SCNN1B: variants seen among roughly 807,000 people sequenced by gnomAD.
SCNN1B encodes epithelial sodium channel subunit beta.
Under a neutral mutation model 65.3 loss-of-function variants are expected in SCNN1B, and 46 were observed. The observed-to-expected ratio is 0.70, with a 90% CI of 0.56 to 0.90. The LOEUF (loss-of-function observed/expected upper bound fraction) is 0.90, where lower values mean the gene tolerates loss of function less well. Ranked by LOEUF, SCNN1B falls within the 40% of genes least tolerant of loss-of-function variation. SCNN1B has a pLI of 0.00. For synonymous variants in SCNN1B, 349 were observed against 330.6 expected (o/e 1.06, Z -0.60); for missense variants, 751 against 830.5 (o/e 0.90, Z 1.18).
In SCNN1B at chr16:23,380,885, C is replaced by T; in HGVS notation, c.*84C>T. On this transcript the variant is annotated 3_prime_UTR_variant, in exon 13 of 13. Transcript: ENST00000343070. This position sits in a 1 kb window ranked among gnomAD's most constrained non-coding sequence, Gnocchi z 5.4. ...GAGGCCTCACTGTATGGTGCCCTCTCCAAAGGGTCGGGAGGGTAGCTCTCC... is the reference window on the plus strand; with the variant it reads ...GAGGCCTCACTGTATGGTGCCCTCTTCAAAGGGTCGGGAGGGTAGCTCTCC... 3 of 1,485,806 alleles carry T rather than the reference C, an allele frequency of 2.0e-6. No individual in the cohort carries two copies. The highest frequency in any genetic ancestry group is 2.8e-6 in the Non-Finnish European group (3 of 1,068,026). The allele number at this position is 1,485,806 out of a possible 1,614,324, so 92.0% of individuals were successfully genotyped here. A position where few individuals can be genotyped will look rare whatever the true frequency, so the allele number is the denominator to read the frequency against.
At chr16:23,368,349 G>T (rs2142036427) in intron 5 of SCNN1B, among the ~76,000 whole-genome samples, 1 of 152,146 alleles carries the variant, frequency 6.6e-6, no homozygotes, top group Non-Finnish European at 1.5e-5. Flanking sequence ...GACCAGCCTG[G>T]GCAACAAGGT....
chr16:23,365,430 G>T lies in SCNN1B; in HGVS notation c.777-2426G>T, dbSNP rs574816809. On this transcript the variant is annotated intron_variant, in intron 4 of 12. Coordinates refer to ENST00000343070, the MANE Select transcript of SCNN1B (RefSeq NM_000336.3). ...AAGAGAGAAAGAAAGAGAAAGAAAGGAAGGAAGAAAGAAAGAAAGAGAAGG... is the reference window on the plus strand; with the variant it reads ...AAGAGAGAAAGAAAGAGAAAGAAAGTAAGGAAGAAAGAAAGAAAGAGAAGG... Among the ~76,000 whole-genome samples the T allele has an allele frequency of 1.1e-4, 15 of 140,380 alleles. No homozygotes were observed. The South Asian group carries it at 3.5e-3, about 32-fold the overall frequency. 92.1% of individuals were successfully genotyped at this position (140,380 alleles called of 152,430 possible).
Position 23,310,290 on chromosome 16 carries a change from CAA to C in SCNN1B, c.-9+7875_-9+7876del, listed in dbSNP as rs202228096. ...TAAAAGTTAGTATGTTCTGCATGAC[CAA>C]AAAAAAAAAAAAAAAAAAAAACCCA... On this transcript the variant is annotated intron_variant, in intron 1 of 12. Coordinates refer to ENST00000343070, the MANE Select transcript of SCNN1B (RefSeq NM_000336.3). Among the ~76,000 whole-genome samples, 307 of 92,984 alleles carry C rather than the reference CAA, an allele frequency of 3.3e-3. 1 individual carries two copies. The highest frequency in any genetic ancestry group is 0.011 in the African/African-American group (269 of 24,868). The allele number at this position is 92,984 out of a possible 152,430, so 61.0% of individuals were successfully genotyped here.
In SCNN1B at chr16:23,375,798, C is replaced by A. The variant is rs774687020; in HGVS notation, c.1213C>A (p.Leu405Met). 6 of 1,614,190 alleles carry A rather than the reference C, an allele frequency of 3.7e-6. No homozygotes were observed. The highest frequency in any genetic ancestry group is 5.1e-6 in the Non-Finnish European group (6 of 1,180,006). Residue 405 changes from leucine to methionine, a missense_variant, in exon 8 of 13, where the codon CTG becomes ATG. By Grantham distance (15) the Leu-to-Met change is conservative. Coordinates refer to ENST00000343070, the MANE Select transcript of SCNN1B (RefSeq NM_000336.3). ...CCGTAACTGCAACTGTGGCCACTAC[C>A]TGTACCCACTGCCCCGTGGGGAGAA... ...MIRNCNCGHY[L>M]YPLPRGEKYC...
intron 7 of SCNN1B, among the ~76,000 whole-genome samples, chr16:23,373,049 G>C (rs1366639740): frequency 6.6e-6 from 1 of 152,120 alleles, no homozygotes; most frequent in Non-Finnish European, 1.5e-5. Flanking sequence ...GGAGGTTGCA[G>C]TGAGCTGATA....
At chr16:23,353,674 A>T (rs950884069) in intron 3 of SCNN1B, among the ~76,000 whole-genome samples, 3 of 152,224 alleles carry the variant, frequency 2.0e-5, no homozygotes, top group African/African-American at 7.2e-5. Flanking sequence ...ACATGGACTG[A>T]GCAAGGGGGA....
Position 23,381,073 on chromosome 16 carries a change from A to C in SCNN1B, c.*272A>C. On this transcript the variant is annotated 3_prime_UTR_variant, in exon 13 of 13. Coordinates refer to ENST00000343070, the MANE Select transcript of SCNN1B (RefSeq NM_000336.3). ...ACCTGTCCTGATCCTGGTCCTGAAG[A>C]CCCCTCGGAACACCCTCTCCTGGTG... 8.0e-6 allele frequency: 4 copies of C among 501,498 alleles called. No homozygotes were observed. The highest frequency in any genetic ancestry group is 3.3e-5 in the Admixed American group (1 of 29,908). The allele number at this position is 501,498 out of a possible 1,614,324, so 31.1% of individuals were successfully genotyped here.
At chr16:23,361,965 A>C (rs994244848) in intron 4 of SCNN1B, among the ~76,000 whole-genome samples, 2 of 152,076 alleles carry the variant, frequency 1.3e-5, no homozygotes, top group Non-Finnish European at 1.5e-5. Flanking sequence ...TTCCCACTTC[A>C]GCCCCCTAAA....
intron 1 of SCNN1B, among the ~76,000 whole-genome samples, chr16:23,335,249 G>A (rs777986611): frequency 1.3e-5 from 2 of 152,138 alleles, no homozygotes; most frequent in Admixed American, 1.3e-4. Flanking sequence ...CTCCTTTTCT[G>A]CCTGTTCCCC....
intron 1 of SCNN1B, among the ~76,000 whole-genome samples, chr16:23,331,052 C>T (rs935964617): frequency 6.6e-6 from 1 of 152,210 alleles, no homozygotes; most frequent in African/African-American, 2.4e-5. Flanking sequence ...CTGATACTTG[C>T]CATGATTCAT....
At chr16:23,333,247 G>A (rs17256769) in intron 1 of SCNN1B, among the ~76,000 whole-genome samples, 10,523 of 152,004 alleles carry the variant, frequency 0.069, 487 homozygotes, top group East Asian at 0.22. Context: ...AAGCATAGAT[G>A]GCCACCAGGG....
At chr16:23,356,632 A>C (rs1596867952) in intron 4 of SCNN1B, among the ~76,000 whole-genome samples, 1 of 152,152 alleles carries the variant, frequency 6.6e-6, no homozygotes, top group Non-Finnish European at 1.5e-5. Context: ...TCTTAAAAAA[A>C]AAAAACAAAA....
chr16:23,312,155 A>G (rs1961358595), intron 1 of SCNN1B, among the ~76,000 whole-genome samples: 2 of 152,064 alleles, frequency 1.3e-5, no homozygotes, highest in Non-Finnish European at 2.9e-5. Flanking sequence ...TCATTTTTGT[A>G]GACAGGGTCT....
rs112725905 is a variant in SCNN1B, at chr16:23,342,666, G to GA, written c.-8-5915dup. On this transcript the variant is annotated intron_variant, in intron 1 of 12. Transcript: ENST00000343070. ...ACACTAACAATAGCTGATGAGCTAA[G>GA]AAAAAAAAAAATCTCCTAGTGTTTT... is the stretch of plus-strand genomic sequence containing the variant. Among the ~76,000 whole-genome samples the GA allele has an allele frequency of 4.2e-3, 621 of 148,520 alleles. 7 individuals carry two copies. The highest frequency in any genetic ancestry group is 0.012 in the African/African-American group (497 of 40,720).
intron 10 of SCNN1B, among the ~76,000 whole-genome samples, chr16:23,378,426 G>A (rs779424114): frequency 3.3e-5 from 5 of 152,176 alleles, no homozygotes; most frequent in South Asian, 2.1e-4. Context: ...GGAGGATTCC[G>A]GGCAGAGGGA....
intron 4 of SCNN1B, among the ~76,000 whole-genome samples, chr16:23,361,365 T>C (rs1283246501): frequency 1.3e-5 from 2 of 152,216 alleles, no homozygotes; most frequent in Non-Finnish European, 2.9e-5. Flanking sequence ...TGCTGGCCTT[T>C]GCTCTGTACT....
chr16:23,310,290 CAAAAAAAAAAA>C lies in SCNN1B; in HGVS notation c.-9+7866_-9+7876del, dbSNP rs202228096. 2.2e-5 allele frequency among the ~76,000 whole-genome samples: 2 copies of C among 92,998 alleles called. 1 individual carries two copies. Among genetic ancestry groups the C allele is most frequent in the Admixed American group, 2.4e-4 (2 of 8,432 alleles). 61.0% of individuals were successfully genotyped at this position (92,998 alleles called of 152,430 possible). A position where few individuals can be genotyped will look rare whatever the true frequency, so the allele number is the denominator to read the frequency against. On this transcript the variant is annotated intron_variant, in intron 1 of 12. Transcript: ENST00000343070. ...TAAAAGTTAGTATGTTCTGCATGAC[CAAAAAAAAAAA>C]AAAAAAAAAAAACCCACATAAACTC... is the stretch of plus-strand genomic sequence containing the variant.
At chr16:23,295,696 G>A (rs920824321) in intron 2 of SCNN1B, among the ~76,000 whole-genome samples, 1 of 152,096 alleles carries the variant, frequency 6.6e-6, no homozygotes, top group Non-Finnish European at 1.5e-5. Context: ...GAATTCAGCA[G>A]TTTGAAAATG....
chr16:23,353,220 A>T (rs1204527246), intron 3 of SCNN1B, 146 bp downstream of exon 3: 3 of 990,354 alleles, frequency 3.0e-6, no homozygotes, highest in East Asian at 2.6e-5. Flanking sequence ...GAGATTTTTT[A>T]AAAATAGAAA....
Sources: allele counts gnomAD v4.1 joint callset (sites outside exome capture counted in the v4.1 genomes callset), GRCh38; gene constraint gnomAD v4.1.1; non-coding constraint Gnocchi (gnomAD v3.1); transcripts MANE v1.5; gene names NCBI Gene and HGNC (gene_info 2026-07-23, HGNC 2026-07-21).